The following GLI3 variants were observed in gnomAD, a reference collection of about 807,000 sequenced individuals.
GLI3 encodes the protein transcription activator GLI3.
Under a neutral mutation model 100.8 loss-of-function variants are expected in GLI3, and 20 were observed. That is an observed-to-expected ratio of 0.20 (90% CI 0.14 to 0.29). GLI3 has a LOEUF of 0.29. Ranked by LOEUF, GLI3 falls within the 10% of genes least tolerant of loss-of-function variation. The pLI is 1.00. For missense variants in GLI3, 2,040 were observed against 2,128.5 expected (o/e 0.96, Z 0.82); for synonymous variants, 938 against 860.5 (o/e 1.09, Z -1.58).
intron 2 of GLI3, among the ~76,000 whole-genome samples, chr7:42,179,468 G>A (rs1462273411): frequency 6.6e-6 from 1 of 152,142 alleles, no homozygotes; most frequent in African/African-American, 2.4e-5. Context: ...GTTTTAAGCA[G>A]GAGAGTGACA....
chr7:42,060,189 A>G (rs1784539032), intron 4 of GLI3, among the ~76,000 whole-genome samples: 1 of 152,188 alleles, frequency 6.6e-6, no homozygotes, highest in Admixed American at 6.5e-5. Flanking sequence ...GGCCCCTACA[A>G]CCAACACCTT....
intron 1 of GLI3, among the ~76,000 whole-genome samples, chr7:42,224,732 T>A (rs956128924): frequency 6.6e-6 from 1 of 152,220 alleles, no homozygotes; most frequent in African/African-American, 2.4e-5. Flanking sequence ...GCTTGAGATT[T>A]CCCTTCCGAG....
chr7:42,073,562 A>G (rs1425702595), intron 4 of GLI3, among the ~76,000 whole-genome samples: 1 of 152,222 alleles, frequency 6.6e-6, no homozygotes, highest in African/African-American at 2.4e-5. Context: ...ATGCCTTAAT[A>G]TAGGGTGGTT....
At position 42,048,705 on chromosome 7, in the gene GLI3, A is replaced by C; in HGVS notation, c.474-9T>G. On this transcript the variant is annotated splice_polypyrimidine_tract_variant and intron_variant, in intron 4 of 14. Coordinates refer to ENST00000395925, the MANE Select transcript of GLI3 (RefSeq NM_000168.6). ...TAGATAAGGCGGAAGTCCTGGGTAC[A>C]AAGAAAACCAGATACAAGGGGTATG... is the stretch of plus-strand genomic sequence containing the variant. 1.3e-6 allele frequency: 2 copies of C among 1,592,876 alleles called. No homozygotes were observed. The highest frequency in any genetic ancestry group is 1.7e-6 in the Non-Finnish European group (2 of 1,163,226).
At chr7:42,025,923 G>C (rs1433900182) in intron 8 of GLI3, among the ~76,000 whole-genome samples, 9 of 152,218 alleles carry the variant, frequency 5.9e-5, no homozygotes, top group Non-Finnish European at 7.3e-5. Flanking sequence ...TGGGATGCAG[G>C]TTACAGATGG....
intron 2 of GLI3, among the ~76,000 whole-genome samples, chr7:42,221,536 TCA>T (rs1042408404): frequency 2.0e-5 from 3 of 151,868 alleles, no homozygotes; most frequent in Non-Finnish European, 4.4e-5. Context: ...ACACATATCC[TCA>T]CACACTCACA....
chr7:42,168,873 G>C (rs1002602298), intron 2 of GLI3, among the ~76,000 whole-genome samples: 3 of 151,978 alleles, frequency 2.0e-5, no homozygotes, highest in African/African-American at 7.3e-5. Flanking sequence ...AGCTGTGATC[G>C]CACCACTGCA....
chr7:42,172,371 C>A, intron 2 of GLI3: 1 of 598,514 alleles, frequency 1.7e-6, no homozygotes, highest in Admixed American at 2.8e-5. Flanking sequence ...TGTCTTAACT[C>A]ACTGCCTCTG....
chr7:41,981,940 G>A (rs1366010883), intron 10 of GLI3, among the ~76,000 whole-genome samples: 1 of 152,094 alleles, frequency 6.6e-6, no homozygotes, highest in Non-Finnish European at 1.5e-5. Context: ...TGAGTGGCAG[G>A]AAATCCCACA....
intron 2 of GLI3, among the ~76,000 whole-genome samples, chr7:42,206,821 C>T (rs896013075): frequency 2.6e-5 from 4 of 152,112 alleles, no homozygotes; most frequent in African/African-American, 9.7e-5. Context: ...GCAGGTATCA[C>T]TTCAAATCAG....
intron 3 of GLI3, among the ~76,000 whole-genome samples, chr7:42,128,954 C>T (rs1786202778): frequency 6.6e-6 from 1 of 152,184 alleles, no homozygotes; most frequent in Non-Finnish European, 1.5e-5. Context: ...TTAACTGACA[C>T]TATTGCAGTC....
chr7:42,142,049 C>A (rs954408526), intron 3 of GLI3, among the ~76,000 whole-genome samples: 2 of 152,086 alleles, frequency 1.3e-5, no homozygotes, highest in African/African-American at 4.8e-5. Context: ...GGAGGTCGGG[C>A]CACCAGGTAG....
intron 1 of GLI3, among the ~76,000 whole-genome samples, chr7:42,244,125 C>T (rs1159422179): frequency 6.6e-6 from 1 of 152,168 alleles, no homozygotes; most frequent in African/African-American, 2.4e-5. Context: ...AAAGCCACTG[C>T]ACCCAGCAGA....
intron 1 of GLI3, among the ~76,000 whole-genome samples, chr7:42,226,458 G>GCT (rs1431741789): frequency 6.6e-6 from 1 of 152,180 alleles, no homozygotes; most frequent in Non-Finnish European, 1.5e-5. Context: ...TCACCATAGA[G>GCT]AGAGGCTCAA....
At chr7:42,006,267 TG>T (rs1435100058) in intron 10 of GLI3, among the ~76,000 whole-genome samples, 2 of 152,150 alleles carry the variant, frequency 1.3e-5, no homozygotes, top group Admixed American at 1.3e-4. Flanking sequence ...GCAGAGTTAG[TG>T]GGGGCAGTGG....
chr7:42,212,630 C>CT (rs1296486709), intron 2 of GLI3, among the ~76,000 whole-genome samples: 1 of 152,148 alleles, frequency 6.6e-6, no homozygotes, highest in Non-Finnish European at 1.5e-5. Flanking sequence ...GCTAGCAATC[C>CT]TAATAGACGC....
At chr7:42,153,273 G>A (rs557367616) in intron 2 of GLI3, among the ~76,000 whole-genome samples, 8 of 152,200 alleles carry the variant, frequency 5.3e-5, no homozygotes, top group South Asian at 2.1e-4. Flanking sequence ...CAGAGCTTAC[G>A]TCCTATTTCT....
intron 10 of GLI3, among the ~76,000 whole-genome samples, chr7:42,021,832 T>C (rs1467542738): frequency 6.6e-6 from 1 of 152,242 alleles, no homozygotes; most frequent in Non-Finnish European, 1.5e-5. Flanking sequence ...ATTCTCTTCA[T>C]GTTTGTTGGT....
intron 7 of GLI3, among the ~76,000 whole-genome samples, chr7:42,032,636 G>A (rs1487996117): frequency 3.3e-5 from 5 of 152,152 alleles, no homozygotes; most frequent in African/African-American, 9.7e-5. Flanking sequence ...GGGTCAGAGC[G>A]CTGGGGATAT....
Sources: gnomAD v4.1 joint callset for allele counts (sites outside exome capture counted in the v4.1 genomes callset) on GRCh38, gnomAD v4.1.1 for gene constraint, MANE v1.5 for transcripts, NCBI Gene and HGNC (gene_info 2026-07-23, HGNC 2026-07-21) for gene names.